Variants in PACS2 observed in about 807,000 individuals in gnomAD.
The protein encoded by PACS2 is PACS1-like protein.
Under a neutral mutation model 113.0 loss-of-function variants are expected in PACS2, and 36 were observed. That is an observed-to-expected ratio of 0.32 (90% CI 0.24 to 0.42). The LOEUF (loss-of-function observed/expected upper bound fraction) is 0.42. Among genes scored for constraint, PACS2 ranks in the 10% least tolerant of loss-of-function variants. The pLI, the probability that PACS2 is intolerant of heterozygous loss-of-function variation, is 1.00. For missense variants in PACS2, 1,015 were observed against 1,239.5 expected, an observed-to-expected ratio of 0.82 and a Z score of 2.72; for synonymous variants, 589 against 536.1, an observed-to-expected ratio of 1.10 and a Z score of -1.36.
intron 1 of PACS2, among the ~76,000 whole-genome samples, chr14:105,306,402 C>T (rs187384797): frequency 3.2e-4 from 49 of 152,320 alleles, no homozygotes; most frequent in Admixed American, 4.6e-4. Flanking sequence ...CTCCCAGGTT[C>T]AAGCGATTCT....
chr14:105,380,922 C>T, intron 11 of PACS2, 35 bp from the exon 12 acceptor site: 2 of 1,584,738 alleles, frequency 1.3e-6, no homozygotes, highest in Non-Finnish European at 1.7e-6. Context: ...GGTGTGGTTT[C>T]CACGGGAGGC....
intron 1 of PACS2, among the ~76,000 whole-genome samples, chr14:105,338,982 T>C (rs1555401085): frequency 6.6e-6 from 1 of 152,228 alleles, no homozygotes; most frequent in African/African-American, 2.4e-5. Context: ...TTCAACTGAC[T>C]GCAGGTATCC....
intron 1 of PACS2, among the ~76,000 whole-genome samples, chr14:105,346,532 T>TC (rs1324659354): frequency 6.5e-5 from 3 of 46,412 alleles, no homozygotes; most frequent in Non-Finnish European, 7.7e-5. Flanking sequence ...CCGCACAACT[T>TC]CCCCCCCACC....
At chr14:105,341,171 T>C (rs2059709606) in intron 1 of PACS2, among the ~76,000 whole-genome samples, 1 of 152,192 alleles carries the variant, frequency 6.6e-6, no homozygotes, top group South Asian at 2.1e-4. Context: ...GTAGAGAACA[T>C]GTGCTCATTC....
chr14:105,383,581 GGTGTGGCGTGGCGTGGCGTGTT>G (rs1271258881), intron 16 of PACS2, 68 bp downstream of exon 16: 15 of 1,466,922 alleles, frequency 1.0e-5, no homozygotes, highest in East Asian at 7.0e-5. Flanking sequence ...GGCATGGAGT[GGTGTGGCGTGGCGTGGCGTGTT>G]GTGTGGCGTG....
chr14:105,355,233 A>G lies in PACS2; in HGVS notation c.423+56A>G. The G allele has an allele frequency of 6.3e-7, 1 of 1,578,698 alleles. No individual in the cohort carries two copies. Among genetic ancestry groups the G allele is most frequent in the East Asian group, 2.3e-5 (1 of 44,328 alleles). On this transcript the variant is annotated intron_variant, in intron 4 of 24. Transcript: ENST00000447393. The surrounding 1 kb of genome is among the most constrained non-coding windows in gnomAD (Gnocchi z 4.1). ...GGGCTGGCCACCTGGGTGCCAGAGC[A>G]TTCGCCCGTGGGAGATGGAGATGTC...
At chr14:105,342,601 G>A (rs2140970374) in intron 1 of PACS2, among the ~76,000 whole-genome samples, 1 of 152,146 alleles carries the variant, frequency 6.6e-6, no homozygotes, top group Admixed American at 6.5e-5. Flanking sequence ...GTTGGTGTGT[G>A]TCTTGTGGCT....
At position 105,348,160 on chromosome 14, in the gene PACS2, A is replaced by G. The variant is rs144255826; in HGVS notation, c.120-333A>G. 8.5e-4 allele frequency among the ~76,000 whole-genome samples: 130 copies of G among 152,060 alleles called. No individual in the cohort carries two copies. The highest frequency in any genetic ancestry group is 3.1e-3 in the African/African-American group (128 of 41,478). On this transcript the variant is annotated intron_variant, in intron 1 of 24. Transcript: ENST00000447393. The surrounding 1 kb of genome is among the most constrained non-coding windows in gnomAD (Gnocchi z 6.4). ...CTGGGAGCTGGCTCAGGACTCTCAG[A>G]TCTTCTCTTTGTGGCCTGTCATCCC...
upstream of PACS2, among the ~76,000 whole-genome samples, chr14:105,309,613 G>GCCTGCCCCA (rs1281342152): frequency 6.6e-6 from 1 of 152,190 alleles, no homozygotes; most frequent in African/African-American, 2.4e-5. This position sits in a 1 kb window ranked among gnomAD's most constrained non-coding sequence, Gnocchi z 4.0. Context: ...CCACTCTGCA[G>GCCTGCCCCA]AGCTGCTCTG....
intron 1 of PACS2, among the ~76,000 whole-genome samples, chr14:105,339,895 C>T (rs1187715178): frequency 1.3e-5 from 2 of 152,152 alleles, no homozygotes; most frequent in Admixed American, 6.6e-5. Flanking sequence ...CAGCCCTCCT[C>T]GGCCTCCCGA....
chr14:105,397,580 T>G lies in PACS2; in HGVS notation c.*2908T>G, dbSNP rs1362672455. On this transcript the variant is annotated 3_prime_UTR_variant, in exon 25 of 25. Coordinates refer to ENST00000447393, the MANE Select transcript of PACS2 (RefSeq NM_001100913.3). ...GCCAGTCCCGCCCTGCAATCTGGTCTGCTGCCTTCCTCTTCCATGTTGGTC... is the reference window on the plus strand; with the variant it reads ...GCCAGTCCCGCCCTGCAATCTGGTCGGCTGCCTTCCTCTTCCATGTTGGTC... The G allele has an allele frequency of 6.6e-6, 1 of 152,550 alleles. No homozygotes were observed. Among genetic ancestry groups the G allele is most frequent in the Non-Finnish European group, 1.5e-5 (1 of 68,278 alleles). 9.4% of individuals were successfully genotyped at this position (152,550 alleles called of 1,614,324 possible). A position where few individuals can be genotyped will look rare whatever the true frequency, so the allele number is the denominator to read the frequency against.
At chr14:105,305,233 TCTACAAAAA>T (rs941255660) in intron 1 of PACS2, among the ~76,000 whole-genome samples, 2 of 152,042 alleles carry the variant, frequency 1.3e-5, no homozygotes, top group Non-Finnish European at 2.9e-5. Flanking sequence ...AAACCCTGAC[TCTACAAAAA>T]CTACAAAAAC....
At chr14:105,385,651 T>C (rs1555413440) in intron 18 of PACS2, 34 bp from the exon 19 acceptor site, 45 of 1,497,696 alleles carry the variant, frequency 3.0e-5, no homozygotes, top group Non-Finnish European at 3.8e-5. Flanking sequence ...CGTCGTAACG[T>C]GTCTGTTTTC....
chr14:105,372,539 G>A (rs1389099484), intron 8 of PACS2: 1 of 152,104 alleles, frequency 6.6e-6, no homozygotes, highest in East Asian at 1.9e-4. Flanking sequence ...AGATAAAATG[G>A]TAAATATTAT....
intron 1 of PACS2, among the ~76,000 whole-genome samples, chr14:105,322,894 T>C (rs1389387606): frequency 1.3e-5 from 2 of 152,246 alleles, no homozygotes; most frequent in African/African-American, 4.8e-5. Flanking sequence ...TCTCTTTCTG[T>C]TTGTCTGAAG....
chr14:105,330,890 A>T lies in PACS2; in HGVS notation c.119+15853A>T, dbSNP rs1212992645. Among the ~76,000 whole-genome samples, 3 of 151,672 alleles carry T rather than the reference A, an allele frequency of 2.0e-5. No individual in the cohort carries two copies. The highest frequency in any genetic ancestry group is 2.9e-5 in the Non-Finnish European group (2 of 67,954). ...GCAGCCTCTACCGGCATCTCACGTGATGTCAACCTTCTGGGTCCTTGGGGC... is the reference window on the plus strand; with the variant it reads ...GCAGCCTCTACCGGCATCTCACGTGTTGTCAACCTTCTGGGTCCTTGGGGC... On this transcript the variant is annotated intron_variant, in intron 1 of 24. Transcript: ENST00000447393. The surrounding 1 kb of genome is among the most constrained non-coding windows in gnomAD (Gnocchi z 6.9).
rs1034267566 is a variant in PACS2 at position 105,317,282 on chromosome 14, G to C, written c.119+2245G>C. 1.3e-5 allele frequency among the ~76,000 whole-genome samples: 2 copies of C among 152,154 alleles called. No homozygotes were observed. The highest frequency in any genetic ancestry group is 2.4e-5 in the African/African-American group (1 of 41,426). On this transcript the variant is annotated intron_variant, in intron 1 of 24. Transcript: ENST00000447393. This position sits in a 1 kb window ranked among gnomAD's most constrained non-coding sequence, Gnocchi z 4.2. ...GGTTAATTACAAGCCCCGTGCTGCT[G>C]TGGACATCGTGTGCCAGTCTTCTGC...
At chr14:105,309,985 T>C (rs2058303121), upstream of PACS2, among the ~76,000 whole-genome samples, 1 of 151,130 alleles carries the variant, frequency 6.6e-6, no homozygotes, top group Non-Finnish European at 1.5e-5. This position sits in a 1 kb window ranked among gnomAD's most constrained non-coding sequence, Gnocchi z 4.0. Context: ...GGGGTTTCAG[T>C]GTATTGGTCA....
chr14:105,327,097 A>G (rs2059140763), intron 1 of PACS2, among the ~76,000 whole-genome samples: 1 of 152,242 alleles, frequency 6.6e-6, no homozygotes, highest in African/African-American at 2.4e-5. Flanking sequence ...TATCAGGTCC[A>G]GCGTCGCTGT....
Sources: allele counts gnomAD v4.1 joint callset (sites outside exome capture counted in the v4.1 genomes callset), GRCh38; gene constraint gnomAD v4.1.1; non-coding constraint Gnocchi (gnomAD v3.1); transcripts MANE v1.5; gene names NCBI Gene and HGNC (gene_info 2026-07-23, HGNC 2026-07-21).